The following BBS4 variants were observed in gnomAD, a reference collection of about 807,000 sequenced individuals.
BBS4 encodes the protein BBSome complex member BBS4.
In BBS4, 58 loss-of-function variants were observed where a neutral mutation model predicts 71.4. The ratio of observed to expected loss-of-function variants is 0.81; its 90% CI spans 0.66 to 1.01. The LOEUF (loss-of-function observed/expected upper bound fraction) is 1.01, where lower values mean the gene tolerates loss of function less well. Ranked by LOEUF, BBS4 falls within the 50% of genes least tolerant of loss-of-function variation. The probability of loss-of-function intolerance (pLI) is 0.00; values close to 1 mark genes in which losing one functional copy is unlikely to be tolerated. For missense variants in BBS4, 660 were observed against 607.9 expected (o/e 1.09, Z -0.90); for synonymous variants, 228 against 216.8 (o/e 1.05, Z -0.46).
intron 1 of BBS4, 154 bp downstream of exon 1, chr15:72,686,405 C>T: frequency 2.6e-6 from 4 of 1,535,054 alleles, no homozygotes; most frequent in Middle Eastern, 1.7e-4. Context: ...TTTACTGTCC[C>T]GGGAACTGGT....
intron 2 of BBS4, among the ~76,000 whole-genome samples, chr15:72,702,802 CTTTTTTTT>C (rs59816410): frequency 5.4e-5 from 4 of 73,486 alleles, no homozygotes; most frequent in African/African-American, 4.6e-5. Flanking sequence ...GGAGCTGACT[CTTTTTTTT>C]TTTTTTTTTT....
intron 2 of BBS4, among the ~76,000 whole-genome samples, chr15:72,696,137 A>G (rs1432524463): frequency 6.6e-6 from 1 of 152,140 alleles, no homozygotes; most frequent in Non-Finnish European, 1.5e-5. Context: ...AGTTCTATCA[A>G]TTTTTGATTT....
chr15:72,724,422 T>A (rs1348607939), intron 7 of BBS4, 106 bp from the exon 8 acceptor site: 5 of 1,524,144 alleles, frequency 3.3e-6, no homozygotes, highest in Non-Finnish European at 4.5e-6. Context: ...TGAAATGTGA[T>A]GTTCCTATGT....
chr15:72,695,196 C>A lies in BBS4; in HGVS notation c.44C>A (p.Ser15Tyr), dbSNP rs2065053817. ...RVATRTQFPV[S>Y]TESQKPRQKK... ...TTTCAGAGAACTCAATTTCCTGTAT[C>A]TACTGAGTCTCAAAAACCCCGGCAG... is the stretch of plus-strand genomic sequence containing the variant. The change falls in exon 2 of 16, where the codon TCT becomes TAT. Residue 15 changes from serine (S) to tyrosine (Y), a missense_variant. Ser to Tyr is a moderately radical substitution (Grantham distance 144). Transcript: ENST00000268057. The A allele has an allele frequency of 6.2e-7, 1 of 1,606,686 alleles. No homozygotes were observed. The highest frequency in any genetic ancestry group is 8.5e-7 in the Non-Finnish European group (1 of 1,173,550).
rs56368716 is a variant in BBS4, at chr15:72,686,211, C to A, written c.-17C>A. 2.6e-6 allele frequency: 4 copies of A among 1,558,190 alleles called. No homozygotes were observed. The highest frequency in any genetic ancestry group is 3.5e-6 in the Non-Finnish European group (4 of 1,152,072). ...AAACCGCCGACTTCCGGCCGCGCAG[C>A]GGTGGGCTGAGCTAAAATGGCTGAG... On this transcript the variant is annotated 5_prime_UTR_variant, in exon 1 of 16. Coordinates refer to ENST00000268057, the MANE Select transcript of BBS4 (RefSeq NM_033028.5).
chr15:72,706,482 C>A (rs1595918279), intron 2 of BBS4, among the ~76,000 whole-genome samples: 1 of 152,128 alleles, frequency 6.6e-6, no homozygotes, highest in Admixed American at 6.6e-5. Flanking sequence ...AACACACTCA[C>A]ATGTCTTTAA....
intron 1 of BBS4, chr15:72,686,505 T>G (rs1231847091): frequency 6.6e-7 from 1 of 1,517,910 alleles, no homozygotes; most frequent in African/African-American, 1.4e-5. Context: ...GAAGGGAGAC[T>G]TTTCACCAGT....
intron 1 of BBS4, among the ~76,000 whole-genome samples, chr15:72,692,972 A>G (rs2065014065): frequency 6.6e-6 from 1 of 152,040 alleles, no homozygotes; most frequent in Admixed American, 6.6e-5. Flanking sequence ...CTGAATTTCC[A>G]TCTGTTACCC....
chr15:72,736,840 C>A lies in BBS4; in HGVS notation c.1327C>A (p.Pro443Thr). 1.2e-6 allele frequency: 2 copies of A among 1,614,170 alleles called. No homozygotes were observed. Among genetic ancestry groups the A allele is most frequent in the Non-Finnish European group, 1.7e-6 (2 of 1,180,030 alleles). The change falls in exon 15 of 16, where the codon CCC becomes ACC. Residue 443 changes from proline to threonine, a missense_variant. Pro to Thr is a conservative substitution (Grantham distance 38). Coordinates refer to ENST00000268057, the MANE Select transcript of BBS4 (RefSeq NM_033028.5). ...ALVWTKPVKD[P>T]KSKHQTTSTS... Reference sequence around the variant, plus strand: ...GGTCTGGACCAAACCAGTTAAAGATCCCAAATCAAAGCACCAGACCACTTC... The same window carrying A: ...GGTCTGGACCAAACCAGTTAAAGATACCAAATCAAAGCACCAGACCACTTC...
chr15:72,710,102 C>A (rs775957903), intron 3 of BBS4, among the ~76,000 whole-genome samples: 1 of 150,638 alleles, frequency 6.6e-6, no homozygotes, highest in Non-Finnish European at 1.5e-5. Flanking sequence ...AAACAACTCT[C>A]TTGGACATGT....
At chr15:72,719,585 A>G (rs2065529084) in intron 6 of BBS4, among the ~76,000 whole-genome samples, 2 of 151,850 alleles carry the variant, frequency 1.3e-5, no homozygotes, top group Admixed American at 1.3e-4. Context: ...CCATAGAGGG[A>G]GATAGGGAAG....
chr15:72,729,858 ACTTAT>A (rs1007908095), intron 10 of BBS4, among the ~76,000 whole-genome samples, 174 bp downstream of exon 10: 8 of 152,228 alleles, frequency 5.3e-5, no homozygotes, highest in Admixed American at 4.6e-4. Flanking sequence ...AGTATGCTCT[ACTTAT>A]CTTCTAAAAG....
In BBS4 at chr15:72,737,577, G is replaced by A. The variant is rs201651412; in HGVS notation, c.1550G>A (p.Arg517Lys). Residue 517 changes from arginine to lysine, a missense_variant, in exon 16 of 16, where the codon AGA (arginine) becomes AAA (lysine). Transcript: ENST00000268057. ...CCAACTGAAACATCAGAACAAATAA[G>A]AGAGAAATAAGAATAGAATGAATGA... Reference protein sequence around the residue: ...SSPTETSEQIREK With the variant: ...SSPTETSEQIKEK 65 of 1,606,230 alleles carry A rather than the reference G, an allele frequency of 4.0e-5. No individual in the cohort carries two copies. The East Asian group carries it at 1.4e-3, about 35-fold the overall frequency.
chr15:72,710,284 T>A (rs1471137111), intron 3 of BBS4, among the ~76,000 whole-genome samples: 1 of 142,230 alleles, frequency 7.0e-6, no homozygotes, highest in African/African-American at 2.6e-5. Flanking sequence ...CATTGCAGCC[T>A]TTGTCTCCCA....
chr15:72,701,220 G>T (rs1336804495), intron 2 of BBS4, among the ~76,000 whole-genome samples: 1 of 152,174 alleles, frequency 6.6e-6, no homozygotes, highest in African/African-American at 2.4e-5. Flanking sequence ...GAATCATGCA[G>T]TGTGTACTTT....
chr15:72,730,101 C>T (rs1305345638), intron 10 of BBS4, among the ~76,000 whole-genome samples: 7 of 149,676 alleles, frequency 4.7e-5, no homozygotes, highest in Non-Finnish European at 1.0e-4. Context: ...ACAGTGAAAC[C>T]CCGTCTCTAC....
intron 3 of BBS4, among the ~76,000 whole-genome samples, chr15:72,711,890 CAG>C (rs1282612758): frequency 1.3e-5 from 2 of 151,302 alleles, no homozygotes; most frequent in Non-Finnish European, 2.9e-5. Context: ...TTTTTTCAGA[CAG>C]AGTCTCACTC....
At chr15:72,708,239 T>C (rs1471488708) in intron 2 of BBS4, among the ~76,000 whole-genome samples, 2 of 152,354 alleles carry the variant, frequency 1.3e-5, no homozygotes, top group East Asian at 3.9e-4. Flanking sequence ...GTGCTGGGAT[T>C]ACAGGCGTGA....
chr15:72,689,705 T>G, intron 1 of BBS4, among the ~76,000 whole-genome samples: 1 of 110,254 alleles, frequency 9.1e-6, no homozygotes, highest in East Asian at 2.9e-4. Flanking sequence ...AGGGGCAGAG[T>G]GAGACTTTGT....
Sources: allele counts gnomAD v4.1 joint callset (sites outside exome capture counted in the v4.1 genomes callset), GRCh38; gene constraint gnomAD v4.1.1; transcripts MANE v1.5; gene names NCBI Gene and HGNC (gene_info 2026-07-23, HGNC 2026-07-21).